The following RMDN1 variants were observed in gnomAD, a reference collection of about 807,000 sequenced individuals.
RMDN1 encodes regulator of microtubule dynamics 1.
In RMDN1, 48 loss-of-function variants were observed where a neutral mutation model predicts 48.9. The observed-to-expected ratio is 0.98, with a 90% CI of 0.78 to 1.25. RMDN1 has a LOEUF of 1.25. Among genes scored for constraint, RMDN1 ranks in the 50% most tolerant of loss-of-function variants. RMDN1 has a pLI of 0.00. For missense variants in RMDN1, 418 were observed against 373.4 expected, an observed-to-expected ratio of 1.12 and a Z score of -0.98; for synonymous variants, 148 against 132.6, an observed-to-expected ratio of 1.12 and a Z score of -0.80.
Position 86,473,298 on chromosome 8 carries a change from A to T in RMDN1, c.*1010T>A. 1 of 985,416 alleles carries T rather than the reference A, an allele frequency of 1.0e-6. No individual in the cohort carries two copies. The highest frequency in any genetic ancestry group is 1.2e-6 in the Non-Finnish European group (1 of 829,910). The allele number at this position is 985,416 out of a possible 1,614,324, so 61.0% of individuals were successfully genotyped here. A position where few individuals can be genotyped will look rare whatever the true frequency, so the allele number is the denominator to read the frequency against. On this transcript the variant is annotated 3_prime_UTR_variant, in exon 10 of 10. Coordinates refer to ENST00000406452, the MANE Select transcript of RMDN1 (RefSeq NM_016033.3). ...CAAGATGCTCCTTTTTACAAAACTT[A>T]AAAAGATTTTGCAGTGGTGGCACTC... is the stretch of plus-strand genomic sequence containing the variant.
In RMDN1 at chr8:86,508,532, C is replaced by G. The variant is rs1307879016; in HGVS notation, c.89G>C (p.Ser30Thr). 6.4e-7 allele frequency: 1 copy of G among 1,573,872 alleles called. No individual in the cohort carries two copies. Among genetic ancestry groups the G allele is most frequent in the East Asian group, 2.3e-5 (1 of 42,802 alleles). Residue 30 changes from serine to threonine, a missense_variant, in exon 1 of 10, where the codon AGC (serine) becomes ACC (threonine). Transcript: ENST00000406452. ...GSRLPAGTSG[S>T]RGHCGPCRFR... ...TCGACAGGGGCCGCAATGCCCGCGGCTGCCCGAAGTCCCCGCAGGGAGACG... is the reference window on the plus strand; with the variant it reads ...TCGACAGGGGCCGCAATGCCCGCGGGTGCCCGAAGTCCCCGCAGGGAGACG...
Position 86,484,975 on chromosome 8 carries a change from A to G in RMDN1, c.496-14T>C, listed in dbSNP as rs569625647. ...GATTGCATACCACTGAAAATTTAAA[A>G]AAGTGTAAGAACAATAATATTCTTA... is the stretch of plus-strand genomic sequence containing the variant. On this transcript the variant is annotated splice_polypyrimidine_tract_variant and intron_variant, in intron 4 of 9. Transcript: ENST00000406452. 81 of 1,420,782 alleles carry G rather than the reference A, an allele frequency of 5.7e-5. No homozygotes were observed. In the African/African-American group the frequency reaches 8.2e-4, roughly 14 times the overall value. 88.0% of individuals were successfully genotyped at this position (1,420,782 alleles called of 1,614,324 possible).
chr8:86,503,379 A>AACAAAC (rs1320501666), intron 2 of RMDN1, among the ~76,000 whole-genome samples: 2 of 73,874 alleles, frequency 2.7e-5, no homozygotes, highest in South Asian at 4.1e-4. Flanking sequence ...AACAAAAAAA[A>AACAAAC]AAAAAAAAAA....
At chr8:86,487,281 AACC>A (rs1329641961) in intron 3 of RMDN1, among the ~76,000 whole-genome samples, 3 of 152,242 alleles carry the variant, frequency 2.0e-5, no homozygotes, top group Non-Finnish European at 2.9e-5. Context: ...ATAAATTATT[AACC>A]ACCACAACTG....
At chr8:86,468,433 T>A (rs1812285662), downstream of RMDN1, 1 of 414,818 alleles carries the variant, frequency 2.4e-6, no homozygotes, top group Admixed American at 2.9e-5. Flanking sequence ...CCTAAAGAAT[T>A]AAAAAAAAAA....
At position 86,489,745 on chromosome 8, in the gene RMDN1, G is replaced by A. The variant is rs547195227; in HGVS notation, c.248-1106C>T. Among the ~76,000 whole-genome samples the A allele has an allele frequency of 2.0e-4, 30 of 150,674 alleles. 1 individual carries two copies. Among genetic ancestry groups the A allele is most frequent in the African/African-American group, 6.6e-4 (27 of 40,978 alleles). On this transcript the variant is annotated intron_variant, in intron 2 of 9. Transcript: ENST00000406452. The stretch of plus-strand genomic sequence containing the variant: ...CTTGGGAGGCTGAGGCAGAAGAATC[G>A]CTTGAACCCGGGAAGCAGAGGTTGC...
intron 2 of RMDN1, chr8:86,505,422 A>G (rs1211884180): frequency 4.4e-6 from 2 of 453,984 alleles, no homozygotes; most frequent in South Asian, 1.6e-5. Flanking sequence ...AGTTCCCCCA[A>G]CCTCAGACTT....
chr8:86,475,877 CTCAG>C (rs1487097796), intron 8 of RMDN1, among the ~76,000 whole-genome samples: 14 of 152,142 alleles, frequency 9.2e-5, no homozygotes. Context: ...CATCTATTTA[CTCAG>C]TCATTCAACA....
intron 2 of RMDN1, among the ~76,000 whole-genome samples, chr8:86,496,856 G>A (rs1268917133): frequency 3.9e-5 from 6 of 151,944 alleles, no homozygotes; most frequent in South Asian, 2.1e-4. Flanking sequence ...ACCTGAGCAC[G>A]GCACACACTC....
intron 8 of RMDN1, 62 bp from the exon 9 acceptor site, chr8:86,475,015 T>C: frequency 2.1e-6 from 3 of 1,449,506 alleles, no homozygotes; most frequent in South Asian, 2.9e-5. Flanking sequence ...TTTTAAAGGT[T>C]TGTTTCTGAG....
chr8:86,504,521 T>A, intron 2 of RMDN1: 1 of 1,438,210 alleles, frequency 7.0e-7, no homozygotes, highest in Non-Finnish European at 9.8e-7. Context: ...GGTGCACGTG[T>A]GTTTAATACT....
rs112917791 is a variant in RMDN1, at chr8:86,473,222, CT to C, written c.*1085del. Reference sequence around the variant, plus strand: ...ATTGTAACATTACAATTCCCAAATCCTTTGGGAAAAATCCACCTACACACAC... The same window carrying C: ...ATTGTAACATTACAATTCCCAAATCCTTGGGAAAAATCCACCTACACACAC... On this transcript the variant is annotated 3_prime_UTR_variant, in exon 10 of 10. Coordinates refer to ENST00000406452, the MANE Select transcript of RMDN1 (RefSeq NM_016033.3). 0.041 allele frequency: 40,384 copies of C among 984,818 alleles called. 4,895 individuals are homozygous for C. The highest frequency in any genetic ancestry group is 0.4 in the African/African-American group (22,861 of 57,190). 61.0% of individuals were successfully genotyped at this position (984,818 alleles called of 1,614,324 possible).
intron 1 of RMDN1, chr8:86,514,206 C>T (rs1411233800): frequency 2.1e-6 from 2 of 957,880 alleles, no homozygotes; most frequent in African/African-American, 3.5e-5. Flanking sequence ...TTATTTAATC[C>T]TTAAGGAATT....
chr8:86,472,247 C>G, downstream of RMDN1: 1 of 593,802 alleles, frequency 1.7e-6, no homozygotes, highest in Non-Finnish European at 3.0e-6. Flanking sequence ...AAATCTGAAA[C>G]CTGAAATTCG....
upstream of RMDN1, among the ~76,000 whole-genome samples, chr8:86,512,577 C>G (rs148152148): frequency 1.1e-3 from 163 of 152,360 alleles, no homozygotes; most frequent in African/African-American, 3.7e-3. Context: ...TCAAGTCCCT[C>G]TATCACATCA....
upstream of RMDN1, among the ~76,000 whole-genome samples, chr8:86,511,768 G>A (rs1243900106): frequency 1.4e-5 from 2 of 147,458 alleles, no homozygotes; most frequent in African/African-American, 5.0e-5. Flanking sequence ...AATCGTATTC[G>A]CACCACTGCA....
chr8:86,504,985 A>G, intron 2 of RMDN1: 2 of 1,451,316 alleles, frequency 1.4e-6, no homozygotes, highest in East Asian at 2.4e-5. Flanking sequence ...AGGCAGGCAC[A>G]TGGTGCAGAT....
At chr8:86,507,829 GA>G (rs1819635790) in intron 1 of RMDN1, among the ~76,000 whole-genome samples, 1 of 152,136 alleles carries the variant, frequency 6.6e-6, no homozygotes, top group Admixed American at 6.5e-5. Context: ...TAATAATTCT[GA>G]AAGATTTTAA....
At chr8:86,482,140 G>A in intron 5 of RMDN1, 1 of 510,558 alleles carries the variant, frequency 2.0e-6, no homozygotes, top group South Asian at 2.5e-5. Flanking sequence ...GGTGGCTTAT[G>A]CCTGTAATCT....
Sources: allele counts gnomAD v4.1 joint callset (sites outside exome capture counted in the v4.1 genomes callset), GRCh38; gene constraint gnomAD v4.1.1; transcripts MANE v1.5; gene names NCBI Gene and HGNC (gene_info 2026-07-23, HGNC 2026-07-21).